IRX5: variants seen among roughly 807,000 people sequenced by gnomAD.
The protein encoded by IRX5 is iroquois homeobox 5.
In IRX5, 8 loss-of-function variants were observed where a neutral mutation model predicts 37.6. The observed-to-expected ratio is 0.21, with a 90% CI of 0.12 to 0.38. IRX5 has a LOEUF of 0.38. Among genes scored for constraint, IRX5 ranks in the 10% least tolerant of loss-of-function variants. The pLI, the probability that IRX5 is intolerant of heterozygous loss-of-function variation, is 1.00. For synonymous variants in IRX5, 359 were observed against 328.6 expected, an observed-to-expected ratio of 1.09 and a Z score of -1.00; for missense variants, 635 against 695.2, an observed-to-expected ratio of 0.91 and a Z score of 0.97.
At position 54,932,493 on chromosome 16, in the gene IRX5, C is replaced by T. The variant is rs752267937; in HGVS notation, c.250-5C>T. On this transcript the variant is annotated splice_region_variant and splice_polypyrimidine_tract_variant and intron_variant, in intron 1 of 2. Coordinates refer to ENST00000394636, the MANE Select transcript of IRX5 (RefSeq NM_005853.6). This position sits in a 1 kb window ranked among gnomAD's most constrained non-coding sequence, Gnocchi z 6.7. ...CACACTCACCTCTCTGCGTCTCCACCGCAGGGCTCTCCCTACGACCACACA... is the reference window on the plus strand; with the variant it reads ...CACACTCACCTCTCTGCGTCTCCACTGCAGGGCTCTCCCTACGACCACACA... The T allele has an allele frequency of 6.2e-7, 1 of 1,604,204 alleles. No homozygotes were observed. Among genetic ancestry groups the T allele is most frequent in the African/African-American group, 1.3e-5 (1 of 74,782 alleles).
Position 54,933,507 on chromosome 16 carries a change from T to C in IRX5, c.1086T>C (p.Cys362=), listed in dbSNP as rs766459400. ...ACGAGGGCTCTCCATGCCCACCGTG[T>C]CCCGGGCCCATAGCCGGGCAAGCCC... ...GGNEGSPCPP[C]PGPIAGQALG... is the part of the protein sequence containing the mutation. The change falls in exon 3 of 3, where the codon TGT becomes TGC. Residue 362 remains cysteine (C), a synonymous_variant. Transcript: ENST00000394636. 1.2e-6 allele frequency: 2 copies of C among 1,610,816 alleles called. No homozygotes were observed. Among genetic ancestry groups the C allele is most frequent in the East Asian group, 4.5e-5 (2 of 44,794 alleles).
chr16:54,932,315 C>T lies in IRX5; in HGVS notation c.250-183C>T. Reference sequence around the variant, plus strand: ...ACCCAGAAATTGAGGTCCCCGCTGCCTTCTGAGGAGGGGGAGGAGTTGCTC... The same window carrying T: ...ACCCAGAAATTGAGGTCCCCGCTGCTTTCTGAGGAGGGGGAGGAGTTGCTC... On this transcript the variant is annotated intron_variant, in intron 1 of 2. Coordinates refer to ENST00000394636, the MANE Select transcript of IRX5 (RefSeq NM_005853.6). This position sits in a 1 kb window ranked among gnomAD's most constrained non-coding sequence, Gnocchi z 6.7. 2.8e-6 allele frequency: 2 copies of T among 709,684 alleles called. No homozygotes were observed. The highest frequency in any genetic ancestry group is 4.7e-6 in the Non-Finnish European group (2 of 428,716). 44.0% of individuals were successfully genotyped at this position (709,684 alleles called of 1,614,324 possible). A position where few individuals can be genotyped will look rare whatever the true frequency, so the allele number is the denominator to read the frequency against.
rs1963926855 is a variant in IRX5 at position 54,933,327 on chromosome 16, A to G, written c.906A>G (p.Pro302=). Residue 302 remains proline, a synonymous_variant, in exon 3 of 3, where the codon CCA becomes CCG. Coordinates refer to ENST00000394636, the MANE Select transcript of IRX5 (RefSeq NM_005853.6). ...GAGCGCCGGCGCCCGGCCCGCATCC[A>G]GCCGCGGGCGAGGTGCCTCCGGGTC... The part of the protein sequence containing the change: ...PAGAPAPGPH[P]AAGEVPPGPG... The G allele has an allele frequency of 6.8e-7, 1 of 1,463,338 alleles. No homozygotes were observed. The highest frequency in any genetic ancestry group is 1.3e-5 in the South Asian group (1 of 75,624). The allele number at this position is 1,463,338 out of a possible 1,614,324, so 90.6% of individuals were successfully genotyped here. A position where few individuals can be genotyped will look rare whatever the true frequency, so the allele number is the denominator to read the frequency against.
rs745976562 is a variant in IRX5, at chr16:54,933,671, C to T, written c.1250C>T (p.Ser417Phe). The T allele has an allele frequency of 3.7e-6, 6 of 1,613,344 alleles. No individual in the cohort carries two copies. Among genetic ancestry groups the T allele is most frequent in the Admixed American group, 1.7e-5 (1 of 60,006 alleles). Residue 417 changes from serine (S) to phenylalanine (F), a missense_variant, in exon 3 of 3, where the codon TCC becomes TTC. Physicochemically the swap from Ser to Phe is radical, Grantham distance 155. Around this residue, in one of 5 missense-constraint regions of IRX5, gnomAD observed 188 missense variants for 200.8 expected, o/e 0.94. Transcript: ENST00000394636. ...TATCCCGGCTACACGAACTATGGCT[C>T]CTTCGGACACCTTCATGGCCACCCG... ...PFYPGYTNYGSFGHLHGHPGP... is the reference protein window; with the variant it reads ...PFYPGYTNYGFFGHLHGHPGP...
rs1303255972 is a variant in IRX5 at position 54,933,692 on chromosome 16, AC to A, written c.1274del (p.Pro425ArgfsTer18). The A allele has an allele frequency of 6.2e-7, 1 of 1,613,586 alleles. No individual in the cohort carries two copies. On this transcript the variant is annotated frameshift_variant, in exon 3 of 3. Transcript: ENST00000394636. LOFTEE classifies it high-confidence loss of function. ...GGCTCCTTCGGACACCTTCATGGCC[AC>A]CCGGGGCCCGGGCCAGGCCCCACAA... ...NYGSFGHLHG[H>X]PGPGPGPTTG...
rs1184758669 is a variant in IRX5, at chr16:54,933,144, G to A, written c.723G>A (p.Lys241=). The A allele has an allele frequency of 6.3e-7, 1 of 1,582,082 alleles. No homozygotes were observed. Among genetic ancestry groups the A allele is most frequent in the African/African-American group, 1.3e-5 (1 of 74,650 alleles). ...AGGGACCACCCACCCCTGCAGGCAA[G>A]GAGACGGAGGGCAGCCTCAGCGACT... ...RLQGPPTPAG[K]ETEGSLSDSD... is the part of the protein sequence containing the mutation. The change falls in exon 3 of 3, where the codon AAG becomes AAA. Residue 241 remains lysine, a synonymous_variant. Coordinates refer to ENST00000394636, the MANE Select transcript of IRX5 (RefSeq NM_005853.6).
At position 54,931,388 on chromosome 16, in the gene IRX5, C is replaced by A. The variant is rs1163392482; in HGVS notation, c.190C>A (p.His64Asn). ...FTAPSPGYNS[H>N]LQYGADPAAA... The stretch of plus-strand genomic sequence containing the variant: ...GGCGCCCTCGCCGGGCTACAACTCG[C>A]ACCTCCAGTACGGCGCCGACCCCGC... The change falls in exon 1 of 3, where the codon CAC becomes AAC. Residue 64 changes from histidine to asparagine, a missense_variant. Around this residue, in one of 5 missense-constraint regions of IRX5, gnomAD observed 145 missense variants for 152.4 expected, o/e 0.95. Transcript: ENST00000394636. The A allele has an allele frequency of 6.2e-7, 1 of 1,602,046 alleles. No homozygotes were observed. Among genetic ancestry groups the A allele is most frequent in the Non-Finnish European group, 8.5e-7 (1 of 1,179,366 alleles).
At position 54,933,780 on chromosome 16, in the gene IRX5, G is replaced by A. The variant is rs1251818092; in HGVS notation, c.1359G>A (p.Leu453=). The change falls in exon 3 of 3, where the codon TTG becomes TTA. Residue 453 remains leucine (L), a synonymous_variant. Transcript: ENST00000394636. ...CCGTGTTGAACCGAGCGGACGCTTT[G>A]GCTAAAGACCCGAAAATGTTGCGGA... ...NQTVLNRADA[L]AKDPKMLRSQ... 11 of 1,614,018 alleles carry A rather than the reference G, an allele frequency of 6.8e-6. No individual in the cohort carries two copies. Among genetic ancestry groups the A allele is most frequent in the Non-Finnish European group, 7.6e-6 (9 of 1,180,030 alleles).
chr16:54,932,722 C>T lies in IRX5; in HGVS notation c.474C>T (p.Thr158=), dbSNP rs748377379. The T allele has an allele frequency of 4.3e-6, 7 of 1,613,870 alleles. No individual in the cohort carries two copies. The Admixed American group carries it at 1.0e-4, about 23-fold the overall frequency. Residue 158 remains threonine (T), a synonymous_variant, in exon 2 of 3, where the codon ACC becomes ACT. Coordinates refer to ENST00000394636, the MANE Select transcript of IRX5 (RefSeq NM_005853.6). This position sits in a 1 kb window ranked among gnomAD's most constrained non-coding sequence, Gnocchi z 6.7. ...MLAIITKMTL[T]QVSTWFANAR... ...CCATCATCACCAAGATGACCCTCACCCAGGTGTCCACCTGGTTCGCCAACG... is the reference window on the plus strand; with the variant it reads ...CCATCATCACCAAGATGACCCTCACTCAGGTGTCCACCTGGTTCGCCAACG...
Position 54,932,608 on chromosome 16 carries a change from C to T in IRX5, c.360C>T (p.Ala120=), listed in dbSNP as rs754355205. 2 of 1,614,106 alleles carry T rather than the reference C, an allele frequency of 1.2e-6. No homozygotes were observed. The highest frequency in any genetic ancestry group is 2.2e-5 in the South Asian group (2 of 91,070). Residue 120 remains alanine, a synonymous_variant, in exon 2 of 3, where the codon GCC becomes GCT. Transcript: ENST00000394636. This position sits in a 1 kb window ranked among gnomAD's most constrained non-coding sequence, Gnocchi z 6.7. ...GGGACCCAGCGTACCGGAAGAACGC[C>T]ACAAGGGACGCCACGGCTACCCTCA... ...PYGDPAYRKN[A]TRDATATLKA...
chr16:54,932,947 GAA>G lies in IRX5; in HGVS notation c.655+47_655+48del, dbSNP rs1169019542. 6.3e-7 allele frequency: 1 copy of G among 1,586,350 alleles called. No homozygotes were observed. The highest frequency in any genetic ancestry group is 1.1e-5 in the South Asian group (1 of 87,016). On this transcript the variant is annotated intron_variant, in intron 2 of 2. Transcript: ENST00000394636. This position sits in a 1 kb window ranked among gnomAD's most constrained non-coding sequence, Gnocchi z 6.7. ...GGGCGTGTTGGGCGGGAGTAAAAAGGAAAAGAGAGGCCTGGAGGGGGCGCGCA... is the reference window on the plus strand; with the variant it reads ...GGGCGTGTTGGGCGGGAGTAAAAAGGAAGAGAGGCCTGGAGGGGGCGCGCA...
rs199865474 is a variant in IRX5 at position 54,933,137 on chromosome 16, C to A, written c.716C>A (p.Ala239Glu). The change falls in exon 3 of 3, where the codon GCA becomes GAA. Residue 239 changes from alanine to glutamate, a missense_variant. Transcript: ENST00000394636. ...CGGCTTCAGGGACCACCCACCCCTG[C>A]AGGCAAGGAGACGGAGGGCAGCCTC... ...CERLQGPPTP[A>E]GKETEGSLSD... The A allele has an allele frequency of 4.4e-6, 7 of 1,585,234 alleles. No homozygotes were observed. In the Admixed American group the frequency reaches 1.0e-4, roughly 24 times the overall value.
rs543534929 is a variant in IRX5 at position 54,932,304 on chromosome 16, G to T, written c.250-194G>T. ...AGAAGGACCTGACCCAGAAATTGAGGTCCCCGCTGCCTTCTGAGGAGGGGG... is the reference window on the plus strand; with the variant it reads ...AGAAGGACCTGACCCAGAAATTGAGTTCCCCGCTGCCTTCTGAGGAGGGGG... On this transcript the variant is annotated intron_variant, in intron 1 of 2. Transcript: ENST00000394636. The surrounding 1 kb of genome is among the most constrained non-coding windows in gnomAD (Gnocchi z 6.7). 1.2e-5 allele frequency: 8 copies of T among 685,746 alleles called. No homozygotes were observed. The highest frequency in any genetic ancestry group is 6.9e-5 in the South Asian group (4 of 57,972). 42.5% of individuals were successfully genotyped at this position (685,746 alleles called of 1,614,324 possible). A position where few individuals can be genotyped will look rare whatever the true frequency, so the allele number is the denominator to read the frequency against.
rs1461772214 is a variant in IRX5, at chr16:54,932,593, G to A, written c.345G>A (p.Ala115=). The part of the protein sequence containing the change: ...PLGSYPYGDP[A]YRKNATRDAT... ...GATCGTACCCTTACGGGGACCCAGC[G>A]TACCGGAAGAACGCCACAAGGGACG... Residue 115 remains alanine (A), a synonymous_variant, in exon 2 of 3, where the codon GCG becomes GCA. Transcript: ENST00000394636. The surrounding 1 kb of genome is among the most constrained non-coding windows in gnomAD (Gnocchi z 6.7). 3.1e-6 allele frequency: 5 copies of A among 1,614,042 alleles called. No homozygotes were observed. The Admixed American group carries it at 6.7e-5, about 22-fold the overall frequency.
At position 54,931,217 on chromosome 16, in the gene IRX5, T is replaced by C. The variant is rs1177172657; in HGVS notation, c.19T>C (p.Tyr7His). 1.2e-6 allele frequency: 2 copies of C among 1,610,480 alleles called. No individual in the cohort carries two copies. Among genetic ancestry groups the C allele is most frequent in the Non-Finnish European group, 8.5e-7 (1 of 1,178,884 alleles). MSYPQGYLYQPSASLAL... is the reference protein window; with the variant it reads MSYPQGHLYQPSASLAL... The stretch of plus-strand genomic sequence containing the variant: ...TGTGGCCATGTCCTATCCGCAGGGC[T>C]ACTTGTACCAGCCGTCCGCCTCGCT... Residue 7 changes from tyrosine to histidine, a missense_variant, in exon 1 of 3, where the codon TAC (tyrosine) becomes CAC (histidine). Transcript: ENST00000394636.
rs1395751801 is a variant in IRX5 at position 54,933,984 on chromosome 16, C to A, written c.*111C>A. On this transcript the variant is annotated 3_prime_UTR_variant, in exon 3 of 3. Transcript: ENST00000394636. ...AGAGAGAGAAAATAAACTACCCCTC[C>A]TATTCAGAAGTTTATAGTTTATGGA... 3.5e-6 allele frequency: 4 copies of A among 1,131,470 alleles called. No homozygotes were observed. The Admixed American group carries it at 8.3e-5, about 24-fold the overall frequency. 70.1% of individuals were successfully genotyped at this position (1,131,470 alleles called of 1,614,324 possible).
rs879796117 is a variant in IRX5 at position 54,933,379 on chromosome 16, C to T, written c.958C>T (p.Pro320Ser). Residue 320 changes from proline (P) to serine (S), a missense_variant, in exon 3 of 3, where the codon CCG becomes TCG. Pro to Ser is a moderately conservative substitution (Grantham distance 74, BLOSUM62 -1). Transcript: ENST00000394636. ...CGGCGGGCCCTCGGTTATCCATTCG[C>T]CGCCTCCGCCGCCGCCTCCTGCGGT... ...GPGGPSVIHS[P>S]PPPPPPAVLA... 4.6e-6 allele frequency: 7 copies of T among 1,538,390 alleles called. No individual in the cohort carries two copies. The highest frequency in any genetic ancestry group is 6.1e-6 in the Non-Finnish European group (7 of 1,146,508).
rs1963889747 is a variant in IRX5 at position 54,931,127 on chromosome 16, G to C, written c.-72G>C. ...GCAGCCAGAGGCCAGGTGCCCGCCC[G>C]CTCGCCCTCGCAGGGCGCCGCCCGG... On this transcript the variant is annotated 5_prime_UTR_variant, in exon 1 of 3. Coordinates refer to ENST00000394636, the MANE Select transcript of IRX5 (RefSeq NM_005853.6). 6 of 1,203,278 alleles carry C rather than the reference G, an allele frequency of 5.0e-6. 1 individual carries two copies. The South Asian group carries it at 2.4e-4, about 48-fold the overall frequency. The allele number at this position is 1,203,278 out of a possible 1,614,324, so 74.5% of individuals were successfully genotyped here.
chr16:54,933,221 C>G lies in IRX5; in HGVS notation c.800C>G (p.Pro267Arg), dbSNP rs770467831. The G allele has an allele frequency of 9.2e-5, 138 of 1,493,994 alleles. 1 individual carries two copies. Among genetic ancestry groups the G allele is most frequent in the Middle Eastern group, 2.3e-4 (1 of 4,286 alleles). 92.5% of individuals were successfully genotyped at this position (1,493,994 alleles called of 1,614,324 possible). A position where few individuals can be genotyped will look rare whatever the true frequency, so the allele number is the denominator to read the frequency against. The change falls in exon 3 of 3, where the codon CCC (proline) becomes CGC (arginine). Residue 267 changes from proline (P) to arginine (R), a missense_variant. Pro to Arg is a moderately radical substitution (Grantham distance 103). Around this residue, in one of 5 missense-constraint regions of IRX5, gnomAD observed 244 missense variants for 205.4 expected, o/e 1.19. Transcript: ENST00000394636. Reference sequence around the variant, plus strand: ...GGCCGCCTCGACGCGCTGCAGGGCCCCCCCCGCACCGGCGGGCCCTCCCCG... The same window carrying G: ...GGCCGCCTCGACGCGCTGCAGGGCCGCCCCCGCACCGGCGGGCCCTCCCCG... ...SEGRLDALQG[P>R]PRTGGPSPAG...
Sources: allele counts gnomAD v4.1 joint callset, GRCh38; gene constraint gnomAD v4.1.1; regional missense constraint gnomAD v4.1.1; non-coding constraint Gnocchi (gnomAD v3.1); transcripts MANE v1.5; gene names NCBI Gene and HGNC (gene_info 2026-07-23, HGNC 2026-07-21).